Variants in PLPPR1 observed in about 807,000 individuals in gnomAD.
PLPPR1 encodes the protein phospholipid phosphatase-related protein type 1.
Under a neutral mutation model 33.1 loss-of-function variants are expected in PLPPR1, and 10 were observed. The ratio of observed to expected loss-of-function variants is 0.30; its 90% confidence interval spans 0.19 to 0.51. The LOEUF (loss-of-function observed/expected upper bound fraction) is 0.51. Among genes scored for constraint, PLPPR1 ranks in the 20% least tolerant of loss-of-function variants. PLPPR1 has a pLI of 0.97. For synonymous variants in PLPPR1, 151 were observed against 151.0 expected (o/e 1.00, Z 0.00); for missense variants, 304 against 408.1 (o/e 0.74, Z 2.20).
At chr9:101,271,738 A>G (rs955500123) in intron 3 of PLPPR1, among the ~76,000 whole-genome samples, 7 of 152,128 alleles carry the variant, frequency 4.6e-5, no homozygotes, top group African/African-American at 1.4e-4. Flanking sequence ...TCATAAGCAT[A>G]TCGCTTTCCT....
chr9:101,062,908 C>G (rs781077958), intron 1 of PLPPR1, among the ~76,000 whole-genome samples: 2 of 151,916 alleles, frequency 1.3e-5, no homozygotes, highest in Non-Finnish European at 2.9e-5. Context: ...GATGATGATA[C>G]CTTAATTTGC....
intron 1 of PLPPR1, among the ~76,000 whole-genome samples, chr9:101,057,522 G>A (rs1223537079): frequency 6.6e-6 from 1 of 151,742 alleles, no homozygotes; most frequent in Non-Finnish European, 1.5e-5. Context: ...CAATAAACAA[G>A]GTGATGGTAT....
rs145859660 is a variant in PLPPR1 at position 101,132,992 on chromosome 9, A to G, written c.-45-52458A>G. Reference sequence around the variant, plus strand: ...GGTCTAAATTTAGCCACCAGATTCAATCATGCTACAAAGCTGTGCAACTGA... The same window carrying G: ...GGTCTAAATTTAGCCACCAGATTCAGTCATGCTACAAAGCTGTGCAACTGA... On this transcript the variant is annotated intron_variant, in intron 1 of 7. Coordinates refer to ENST00000374874, the MANE Select transcript of PLPPR1 (RefSeq NM_207299.2). 5.6e-4 allele frequency among the ~76,000 whole-genome samples: 85 copies of G among 152,322 alleles called. No homozygotes were observed. The East Asian group carries it at 0.012, about 22-fold the overall frequency.
intron 3 of PLPPR1, among the ~76,000 whole-genome samples, chr9:101,279,540 A>C (rs1277491031): frequency 1.3e-5 from 2 of 152,232 alleles, no homozygotes; most frequent in African/African-American, 4.8e-5. Context: ...CCTCCTCAGC[A>C]CATAGATTAT....
intron 1 of PLPPR1, among the ~76,000 whole-genome samples, chr9:101,032,294 A>G (rs2118397372): frequency 6.6e-6 from 1 of 152,318 alleles, no homozygotes; most frequent in South Asian, 2.1e-4. Context: ...TTAGAGAATG[A>G]TGACTGTGAC....
At chr9:101,291,597 C>T (rs1200931570) in intron 4 of PLPPR1, among the ~76,000 whole-genome samples, 1 of 152,158 alleles carries the variant, frequency 6.6e-6, no homozygotes, top group Non-Finnish European at 1.5e-5. Context: ...ACAAAACTTC[C>T]AGAGGAATGA....
At chr9:101,267,557 C>T (rs1828019807) in intron 2 of PLPPR1, among the ~76,000 whole-genome samples, 1 of 152,066 alleles carries the variant, frequency 6.6e-6, no homozygotes. Flanking sequence ...ACGCTAGATA[C>T]TAGAAGAATG....
At chr9:101,180,441 G>GA (rs1481354417) in intron 1 of PLPPR1, among the ~76,000 whole-genome samples, 6 of 149,880 alleles carry the variant, frequency 4.0e-5, no homozygotes, top group Non-Finnish European at 7.4e-5. Flanking sequence ...AAGGAATAGA[G>GA]AAAAAAAAGA....
intron 2 of PLPPR1, among the ~76,000 whole-genome samples, chr9:101,244,079 T>A (rs115636158): frequency 2.5e-4 from 38 of 151,548 alleles, no homozygotes; most frequent in African/African-American, 9.2e-4. Context: ...AAAAATGGAG[T>A]GAACAGGAGT....
At chr9:101,270,983 G>A (rs899936157) in intron 3 of PLPPR1, among the ~76,000 whole-genome samples, 20 of 152,150 alleles carry the variant, frequency 1.3e-4, no homozygotes, top group African/African-American at 4.6e-4. Context: ...TAGATATTCA[G>A]TTCGAATATT....
rs556998205 is a variant in PLPPR1 at position 101,239,369 on chromosome 9, G to A, written c.64-30511G>A. ...TGAGTTCCCTTTTTGGGGACTAGAG[G>A]TGGGAGAGAGGGAGGTAAGGGTAGA... is the stretch of plus-strand genomic sequence containing the variant. On this transcript the variant is annotated intron_variant, in intron 2 of 7. Coordinates refer to ENST00000374874, the MANE Select transcript of PLPPR1 (RefSeq NM_207299.2). 2.6e-5 allele frequency among the ~76,000 whole-genome samples: 4 copies of A among 151,886 alleles called. No homozygotes were observed. In the East Asian group the frequency reaches 5.8e-4, roughly 22 times the overall value.
chr9:101,068,633 A>G (rs1043990076), intron 1 of PLPPR1, among the ~76,000 whole-genome samples: 1 of 152,024 alleles, frequency 6.6e-6, no homozygotes. Context: ...AGTATAAATT[A>G]AAACCTAGCC....
chr9:101,284,504 T>C (rs1828355984), intron 3 of PLPPR1, among the ~76,000 whole-genome samples: 1 of 150,438 alleles, frequency 6.6e-6, no homozygotes, highest in Non-Finnish European at 1.5e-5. Context: ...AAGTGAACAT[T>C]AAGTGTTTGT....
chr9:101,121,079 C>A (rs1463708666), intron 1 of PLPPR1, among the ~76,000 whole-genome samples: 1 of 152,162 alleles, frequency 6.6e-6, no homozygotes, highest in Non-Finnish European at 1.5e-5. Context: ...AGATCAGATT[C>A]TTTGTAAAGT....
intron 4 of PLPPR1, among the ~76,000 whole-genome samples, chr9:101,304,139 T>A (rs148777675): frequency 6.6e-6 from 1 of 152,342 alleles, no homozygotes; most frequent in African/African-American, 2.4e-5. Context: ...TTTTTAATGA[T>A]CACTTATTTT....
intron 4 of PLPPR1, among the ~76,000 whole-genome samples, chr9:101,292,651 A>C (rs1473464372): frequency 1.3e-5 from 2 of 152,248 alleles, no homozygotes; most frequent in East Asian, 3.9e-4. Flanking sequence ...GCCAATATTC[A>C]ACATTCTTAA....
intron 4 of PLPPR1, among the ~76,000 whole-genome samples, chr9:101,300,963 A>G (rs554509623): frequency 6.6e-6 from 1 of 152,368 alleles, no homozygotes; most frequent in East Asian, 1.9e-4. Context: ...AGCACTGGGG[A>G]ATTGTCCTGT....
At chr9:101,086,688 A>G (rs958435492) in intron 1 of PLPPR1, among the ~76,000 whole-genome samples, 5 of 152,154 alleles carry the variant, frequency 3.3e-5, no homozygotes, top group African/African-American at 1.2e-4. Context: ...AAGTGTGTAG[A>G]TAACCTTTAT....
At chr9:101,237,408 C>T (rs2118835512) in intron 2 of PLPPR1, among the ~76,000 whole-genome samples, 1 of 151,454 alleles carries the variant, frequency 6.6e-6, no homozygotes, top group South Asian at 2.1e-4. Flanking sequence ...ATAGCACAGT[C>T]ATGGAATCAA....
Sources: gnomAD v4.1 joint callset for allele counts (sites outside exome capture counted in the v4.1 genomes callset) on GRCh38, gnomAD v4.1.1 for gene constraint, MANE v1.5 for transcripts, NCBI Gene and HGNC (gene_info 2026-07-23, HGNC 2026-07-21) for gene names.